The following OSBPL6 variants were observed in gnomAD, a reference collection of about 807,000 sequenced individuals.
OSBPL6 encodes the protein oxysterol-binding protein-related protein 6.
Under a neutral mutation model 125.8 loss-of-function variants are expected in OSBPL6, and 49 were observed. The observed-to-expected ratio is 0.39, with a 90% CI of 0.31 to 0.49. The LOEUF is 0.49. Ranked by LOEUF, OSBPL6 falls within the 20% of genes least tolerant of loss-of-function variation. The pLI is 0.88. For missense variants in OSBPL6, 986 were observed against 1,135.4 expected (o/e 0.87, Z 1.89); for synonymous variants, 394 against 391.8 (o/e 1.01, Z -0.07).
At chr2:178,227,433 C>A (rs1438599407) in intron 1 of OSBPL6, among the ~76,000 whole-genome samples, 1 of 152,178 alleles carries the variant, frequency 6.6e-6, no homozygotes, top group East Asian at 1.9e-4. Flanking sequence ...TGCAACTCAG[C>A]ATTTTACTCT....
chr2:178,366,548 A>G (rs1363589752), intron 13 of OSBPL6, among the ~76,000 whole-genome samples: 1 of 152,210 alleles, frequency 6.6e-6, no homozygotes, highest in South Asian at 2.1e-4. Context: ...CTGTCAATTG[A>G]ACTGACACGG....
chr2:178,257,726 T>G (rs1168929353), intron 1 of OSBPL6, among the ~76,000 whole-genome samples: 1 of 152,206 alleles, frequency 6.6e-6, no homozygotes, highest in Non-Finnish European at 1.5e-5. Context: ...GGTTGTGACT[T>G]TCTCAGGGAA....
rs755044495 is a variant in OSBPL6, at chr2:178,349,187, C to A, written c.988-37C>A. On this transcript the variant is annotated intron_variant, in intron 11 of 24. Coordinates refer to ENST00000190611, the MANE Select transcript of OSBPL6 (RefSeq NM_032523.4). ...ATGTAGGAGAATGTGAAACAATGCA[C>A]TGTTGCTGTTTAATAATTTGTATCT... 21 of 1,597,312 alleles carry A rather than the reference C, an allele frequency of 1.3e-5. No homozygotes were observed. In the Admixed American group the frequency reaches 3.5e-4, roughly 27 times the overall value.
chr2:178,255,390 G>A (rs752836934), intron 1 of OSBPL6, among the ~76,000 whole-genome samples: 2 of 152,232 alleles, frequency 1.3e-5, no homozygotes, highest in African/African-American at 2.4e-5. Context: ...ATCAGTTCTT[G>A]TAAGACTTCT....
At chr2:178,366,248 C>G (rs1247660472) in intron 13 of OSBPL6, among the ~76,000 whole-genome samples, 2 of 152,150 alleles carry the variant, frequency 1.3e-5, no homozygotes, top group Non-Finnish European at 2.9e-5. Context: ...TGTAATAAAA[C>G]TAAGGCAACC....
At chr2:178,236,006 T>C (rs562332945) in intron 1 of OSBPL6, among the ~76,000 whole-genome samples, 15 of 152,360 alleles carry the variant, frequency 9.8e-5, no homozygotes, top group Non-Finnish European at 1.6e-4. Flanking sequence ...AATTTTTAAA[T>C]GTCTCAATTT....
In OSBPL6 at chr2:178,247,102, CTTCTT is replaced by C. The variant is rs560016565; in HGVS notation, c.-350-37819_-350-37815del. 1.2e-4 allele frequency among the ~76,000 whole-genome samples: 16 copies of C among 136,802 alleles called. No individual in the cohort carries two copies. The South Asian group carries it at 3.8e-3, about 33-fold the overall frequency. 89.7% of individuals were successfully genotyped at this position (136,802 alleles called of 152,430 possible). On this transcript the variant is annotated intron_variant, in intron 1 of 24. Transcript: ENST00000190611. Reference sequence around the variant, plus strand: ...ATAATTTCCTGCTTTTGTTGTTTTTCTTCTTTTCTTCTGTATTCCTTATTAAATTT... The same window carrying C: ...ATAATTTCCTGCTTTTGTTGTTTTTCTTCTTCTGTATTCCTTATTAAATTT...
chr2:178,371,819 A>G (rs1435356415), intron 13 of OSBPL6, among the ~76,000 whole-genome samples: 1 of 152,206 alleles, frequency 6.6e-6, no homozygotes, highest in Non-Finnish European at 1.5e-5. Context: ...ATGTAGTGGT[A>G]GACTGGGCTT....
At chr2:178,225,529 C>CCA (rs1201122166) in intron 1 of OSBPL6, among the ~76,000 whole-genome samples, 1 of 152,128 alleles carries the variant, frequency 6.6e-6, no homozygotes, top group African/African-American at 2.4e-5. Flanking sequence ...TTACAGAAAA[C>CCA]CGTGGTGTCA....
chr2:178,382,518 T>C lies in OSBPL6; in HGVS notation c.1621+11T>C. ...ATATTTCTCGGCAAAGTATGCATCA[T>C]TTGAGCTTCCAGGTTGTTCTATCTA... On this transcript the variant is annotated intron_variant, in intron 16 of 24. Coordinates refer to ENST00000190611, the MANE Select transcript of OSBPL6 (RefSeq NM_032523.4). 26 of 1,614,100 alleles carry C rather than the reference T, an allele frequency of 1.6e-5. No individual in the cohort carries two copies. Among genetic ancestry groups the C allele is most frequent in the Non-Finnish European group, 2.2e-5 (26 of 1,180,010 alleles).
intron 15 of OSBPL6, among the ~76,000 whole-genome samples, chr2:178,382,137 A>G (rs937515965): frequency 3.3e-5 from 5 of 152,190 alleles, no homozygotes; most frequent in African/African-American, 4.8e-5. Context: ...AACCTGAAAC[A>G]TTCTTAGTGT....
At chr2:178,304,904 T>G (rs900162953) in intron 2 of OSBPL6, among the ~76,000 whole-genome samples, 4 of 152,204 alleles carry the variant, frequency 2.6e-5, no homozygotes, top group African/African-American at 9.7e-5. Context: ...CAGCTCTAAC[T>G]CCCAGATCCA....
At chr2:178,266,194 G>A (rs1340897117) in intron 1 of OSBPL6, among the ~76,000 whole-genome samples, 2 of 152,238 alleles carry the variant, frequency 1.3e-5, no homozygotes, top group Non-Finnish European at 2.9e-5. Context: ...CACGGGGCAT[G>A]CTGGGGATTC....
At chr2:178,240,915 G>A (rs1423715687) in intron 1 of OSBPL6, among the ~76,000 whole-genome samples, 1 of 152,136 alleles carries the variant, frequency 6.6e-6, no homozygotes. Flanking sequence ...TTTTGGCTCA[G>A]TAATCCATCT....
At chr2:178,286,221 T>A (rs1035632456) in intron 2 of OSBPL6, among the ~76,000 whole-genome samples, 1 of 152,234 alleles carries the variant, frequency 6.6e-6, no homozygotes, top group Admixed American at 6.5e-5. Context: ...CTGGTTTCTC[T>A]TGGAAGATTA....
Position 178,334,290 on chromosome 2 carries a change from G to T in OSBPL6, c.657+1249G>T, listed in dbSNP as rs534172120. Among the ~76,000 whole-genome samples, 8 of 152,134 alleles carry T rather than the reference G, an allele frequency of 5.3e-5. 1 individual carries two copies. Among genetic ancestry groups the T allele is most frequent in the African/African-American group, 9.7e-5 (4 of 41,430 alleles). On this transcript the variant is annotated intron_variant, in intron 8 of 24. Coordinates refer to ENST00000190611, the MANE Select transcript of OSBPL6 (RefSeq NM_032523.4). ...GCCACAGTACGTTGTGTTCAAGAAC[G>T]TTCCAATGAAGATTCTGCTTTTCTT... is the stretch of plus-strand genomic sequence containing the variant.
chr2:178,233,988 T>C lies in OSBPL6; in HGVS notation c.-351+39314T>C, dbSNP rs1403812721. ...TAGTTCTCTAGTGGCAGTTTTTTTTTCTCAAGAGTTGAATAATTTACTTTA... is the reference window on the plus strand; with the variant it reads ...TAGTTCTCTAGTGGCAGTTTTTTTTCCTCAAGAGTTGAATAATTTACTTTA... On this transcript the variant is annotated intron_variant, in intron 1 of 24. Transcript: ENST00000190611. Among the ~76,000 whole-genome samples, 8 of 152,180 alleles carry C rather than the reference T, an allele frequency of 5.3e-5. No individual in the cohort carries two copies. The South Asian group carries it at 1.2e-3, about 24-fold the overall frequency.
intron 1 of OSBPL6, among the ~76,000 whole-genome samples, chr2:178,230,760 T>G (rs1008814199): frequency 2.0e-5 from 3 of 152,174 alleles, no homozygotes; most frequent in African/African-American, 7.2e-5. Flanking sequence ...AAAAAGAAAT[T>G]GGATTATGCT....
intron 1 of OSBPL6, among the ~76,000 whole-genome samples, chr2:178,213,870 C>A (rs2089975923): frequency 6.6e-6 from 1 of 152,154 alleles, no homozygotes; most frequent in African/African-American, 2.4e-5. Context: ...TCCTCCTGTC[C>A]TCTGCCTGGC....
Sources: gnomAD v4.1 joint callset for allele counts (sites outside exome capture counted in the v4.1 genomes callset) on GRCh38, gnomAD v4.1.1 for gene constraint, MANE v1.5 for transcripts, NCBI Gene and HGNC (gene_info 2026-07-23, HGNC 2026-07-21) for gene names.